ME1: variants seen among roughly 807,000 people sequenced by gnomAD.
ME1 encodes NADP-dependent malic enzyme.
ME1 carries 74 observed loss-of-function variants against 66.4 expected under a neutral mutation model. That is an observed-to-expected ratio of 1.11 (90% confidence interval 0.92 to 1.35). The LOEUF is 1.35. Among genes scored for constraint, ME1 ranks in the 40% most tolerant of loss-of-function variants. The probability of loss-of-function intolerance (pLI) is 0.00; values close to 1 mark genes in which losing one functional copy is unlikely to be tolerated. For missense variants in ME1, 750 were observed against 694.1 expected (o/e 1.08, Z -0.90); for synonymous variants, 251 against 235.6 (o/e 1.07, Z -0.60).
chr6:83,364,737 CATCTATCTATCT>C (rs67402469), intron 3 of ME1, among the ~76,000 whole-genome samples: 5 of 151,912 alleles, frequency 3.3e-5, no homozygotes, highest in Admixed American at 2.6e-4. Context: ...ATCTATCTGT[CATCTATCTATCT>C]ATCTATCTAT....
At chr6:83,340,063 T>C (rs931206430) in intron 5 of ME1, among the ~76,000 whole-genome samples, 3 of 152,170 alleles carry the variant, frequency 2.0e-5, no homozygotes, top group Non-Finnish European at 2.9e-5. Context: ...AATGAGTTAA[T>C]TTTTAACTGG....
At chr6:83,237,274 A>AGAAAGAAAGAAAGAAAGAAAGAAAGGAAG (rs1554262978) in intron 9 of ME1, among the ~76,000 whole-genome samples, 1 of 83,676 alleles carries the variant, frequency 1.2e-5, no homozygotes, top group Non-Finnish European at 2.4e-5. Context: ...AAAGAAAGAA[A>AGAAAGAAAGAAAGAAAGAAAGAAAGGAAG]GAAAGGAAGG....
intron 9 of ME1, among the ~76,000 whole-genome samples, chr6:83,235,799 T>C (rs1583332285): frequency 6.6e-6 from 1 of 152,134 alleles, no homozygotes; most frequent in Non-Finnish European, 1.5e-5. Context: ...AGCCAAGAAA[T>C]CCATACTGAA....
intron 9 of ME1, among the ~76,000 whole-genome samples, chr6:83,235,739 T>C (rs1790389115): frequency 6.6e-6 from 1 of 152,186 alleles, no homozygotes; most frequent in South Asian, 2.1e-4. Context: ...CCCAAAGTGC[T>C]GGGATTATAG....
At chr6:83,259,520 G>T (rs1295446824) in intron 6 of ME1, among the ~76,000 whole-genome samples, 1 of 152,184 alleles carries the variant, frequency 6.6e-6, no homozygotes, top group Admixed American at 6.5e-5. Flanking sequence ...CTCAAAGTTT[G>T]TACTGGGGAG....
intron 3 of ME1, among the ~76,000 whole-genome samples, chr6:83,385,086 C>T (rs528237531): frequency 1.3e-5 from 2 of 151,918 alleles, no homozygotes; most frequent in South Asian, 2.1e-4. Flanking sequence ...TTCCTATTTC[C>T]ACCAACTGTT....
At chr6:83,358,839 C>T (rs1157924684) in intron 3 of ME1, among the ~76,000 whole-genome samples, 3 of 152,012 alleles carry the variant, frequency 2.0e-5, no homozygotes, top group African/African-American at 7.2e-5. Context: ...GATGGCCTCC[C>T]CTGAGGCAGT....
At chr6:83,255,361 C>A (rs192122338) in intron 6 of ME1, among the ~76,000 whole-genome samples, 131 of 151,600 alleles carry the variant, frequency 8.6e-4, no homozygotes, top group Non-Finnish European at 1.7e-3. Context: ...GTACACTGTG[C>A]CATTAATTAT....
At chr6:83,312,306 C>G (rs2128538641) in intron 6 of ME1, among the ~76,000 whole-genome samples, 1 of 152,270 alleles carries the variant, frequency 6.6e-6, no homozygotes, top group African/African-American at 2.4e-5. Flanking sequence ...ATAAATGGAG[C>G]CCCAGCCAAG....
intron 3 of ME1, among the ~76,000 whole-genome samples, chr6:83,361,882 G>C (rs12697919): frequency 0.32 from 48,660 of 151,988 alleles, 8,163 homozygotes; most frequent in Middle Eastern, 0.5. Context: ...GAAGGCACAA[G>C]TAAGTTACAT....
intron 5 of ME1, among the ~76,000 whole-genome samples, 199 bp downstream of exon 5, chr6:83,345,974 A>C (rs1204504332): frequency 6.6e-6 from 1 of 152,210 alleles, no homozygotes; most frequent in Non-Finnish European, 1.5e-5. Flanking sequence ...AGCAAATAAA[A>C]GATTAATCAC....
At chr6:83,420,219 C>T (rs761153661) in intron 1 of ME1, among the ~76,000 whole-genome samples, 6 of 152,162 alleles carry the variant, frequency 3.9e-5, no homozygotes, top group Admixed American at 1.3e-4. Flanking sequence ...AGGCGCCCAC[C>T]GCCATGCCCA....
At chr6:83,342,394 C>T (rs1768604415) in intron 5 of ME1, among the ~76,000 whole-genome samples, 2 of 152,142 alleles carry the variant, frequency 1.3e-5, no homozygotes, top group African/African-American at 4.8e-5. Flanking sequence ...TGCTAAATGC[C>T]TTCAAAAGCC....
intron 8 of ME1, among the ~76,000 whole-genome samples, chr6:83,239,224 C>A (rs1790466515): frequency 6.6e-6 from 1 of 151,970 alleles, no homozygotes; most frequent in Non-Finnish European, 1.5e-5. Context: ...AGCTTAAATA[C>A]ATAAAAGCTT....
At chr6:83,352,793 T>C (rs1768826571) in intron 3 of ME1, among the ~76,000 whole-genome samples, 1 of 152,216 alleles carries the variant, frequency 6.6e-6, no homozygotes, top group East Asian at 1.9e-4. Context: ...AATATGTAAA[T>C]GCCTTATCCT....
At chr6:83,411,105 G>A (rs895866442) in intron 1 of ME1, among the ~76,000 whole-genome samples, 1 of 152,200 alleles carries the variant, frequency 6.6e-6, no homozygotes, top group South Asian at 2.1e-4. Flanking sequence ...TGGGCCGGGC[G>A]TGGTGGCTCA....
At position 83,284,856 on chromosome 6, in the gene ME1, CA is replaced by C. The variant is rs1474661609; in HGVS notation, c.704+30453del. Among the ~76,000 whole-genome samples the C allele has an allele frequency of 2.6e-5, 4 of 152,216 alleles. No individual in the cohort carries two copies. In the South Asian group the frequency reaches 8.3e-4, roughly 32 times the overall value. On this transcript the variant is annotated intron_variant, in intron 6 of 13. Transcript: ENST00000369705. ...TACTGCAAGTCCTAGCCAGATCAAC[CA>C]GGCAATAAAAAGAAATAAAAGGCAT... is the stretch of plus-strand genomic sequence containing the variant.
Position 83,212,067 on chromosome 6 carries a change from T to A in ME1, c.1576A>T (p.Thr526Ser), listed in dbSNP as rs1210822016. Reference protein sequence around the residue: ...KIVKDAYQEKTATVYPEPQNK... With the variant: ...KIVKDAYQEKSATVYPEPQNK... ...TGCGGTTCAGGATAAACTGTGGCTG[T>A]CTTTTCTTGGTATGCATCTTTCACA... Residue 526 changes from threonine (T) to serine (S), a missense_variant, in exon 14 of 14, where the codon ACA (threonine) becomes TCA (serine). Physicochemically the swap from Thr to Ser is moderately conservative, Grantham distance 58 (BLOSUM62 1). Coordinates refer to ENST00000369705, the MANE Select transcript of ME1 (RefSeq NM_002395.6). The A allele has an allele frequency of 6.2e-7, 1 of 1,609,022 alleles. No individual in the cohort carries two copies. Among genetic ancestry groups the A allele is most frequent in the South Asian group, 1.1e-5 (1 of 90,230 alleles).
intron 6 of ME1, among the ~76,000 whole-genome samples, chr6:83,284,042 A>G (rs1767354194): frequency 6.6e-6 from 1 of 152,174 alleles, no homozygotes; most frequent in Non-Finnish European, 1.5e-5. Flanking sequence ...ATCAAAAACA[A>G]CAAAGGTGAT....
Sources: allele counts gnomAD v4.1 joint callset (sites outside exome capture counted in the v4.1 genomes callset), GRCh38; gene constraint gnomAD v4.1.1; transcripts MANE v1.5; gene names NCBI Gene and HGNC (gene_info 2026-07-23, HGNC 2026-07-21).